Variants in MARCHF1 observed in about 807,000 individuals in gnomAD.
MARCHF1 encodes membrane associated ring-CH-type finger 1, also known as E3 ubiquitin-protein ligase MARCHF1.
MARCHF1 carries 40 observed loss-of-function variants against 54.2 expected under a neutral mutation model. That is an observed-to-expected ratio of 0.74 (90% CI 0.57 to 0.96). The LOEUF is 0.96. Among genes scored for constraint, MARCHF1 ranks in the 40% least tolerant of loss-of-function variants. The pLI, the probability that MARCHF1 is intolerant of heterozygous loss-of-function variation, is 0.00. For synonymous variants in MARCHF1, 236 were observed against 236.3 expected, an observed-to-expected ratio of 1.00 and a Z score of 0.01; for missense variants, 586 against 656.5, an observed-to-expected ratio of 0.89 and a Z score of 1.17.
chr4:164,236,664 G>A (rs1732572545), intron 1 of MARCHF1, among the ~76,000 whole-genome samples: 1 of 152,068 alleles, frequency 6.6e-6, no homozygotes. Flanking sequence ...GCACATGTCT[G>A]CAAATGACCA....
intron 3 of MARCHF1, among the ~76,000 whole-genome samples, chr4:163,978,068 C>T (rs946268736): frequency 5.9e-5 from 9 of 152,072 alleles, no homozygotes; most frequent in African/African-American, 2.2e-4. Context: ...TTCTTGATTC[C>T]AGAAAATTCG....
intron 4 of MARCHF1, among the ~76,000 whole-genome samples, chr4:163,818,468 T>C (rs1748602701): frequency 6.6e-6 from 1 of 152,130 alleles, no homozygotes. Context: ...TCCTGATAGA[T>C]ATAAGGCATG....
intron 4 of MARCHF1, among the ~76,000 whole-genome samples, chr4:163,801,286 T>C (rs78217105): frequency 0.065 from 9,943 of 151,932 alleles, 750 homozygotes; most frequent in East Asian, 0.29. Context: ...TTTTTAGTCA[T>C]AGAAAATCCA....
chr4:163,768,754 T>A (rs1747063741), intron 4 of MARCHF1, among the ~76,000 whole-genome samples: 2 of 152,214 alleles, frequency 1.3e-5, no homozygotes, highest in African/African-American at 4.8e-5. Context: ...AACTAATCTC[T>A]CTGGAAGACC....
chr4:163,933,288 GAA>G, intron 3 of MARCHF1: 1 of 629,340 alleles, frequency 1.6e-6, no homozygotes, highest in Non-Finnish European at 2.9e-6. Context: ...TTCCCTTCAA[GAA>G]ACCTTTTTAC....
intron 1 of MARCHF1, among the ~76,000 whole-genome samples, chr4:164,196,090 T>C (rs1013795321): frequency 1.3e-5 from 2 of 152,168 alleles, no homozygotes; most frequent in African/African-American, 4.8e-5. Flanking sequence ...TCTTCATTAG[T>C]TTTTAATTAT....
chr4:163,674,506 A>G (rs1470107637), intron 5 of MARCHF1, among the ~76,000 whole-genome samples: 2 of 152,170 alleles, frequency 1.3e-5, no homozygotes, highest in African/African-American at 4.8e-5. Flanking sequence ...TAAAAGTGGA[A>G]GTGAAAAGGA....
intron 4 of MARCHF1, among the ~76,000 whole-genome samples, chr4:163,771,617 C>T (rs573621630): frequency 1.3e-5 from 2 of 152,248 alleles, no homozygotes; most frequent in Non-Finnish European, 2.9e-5. Flanking sequence ...TAATAACTTC[C>T]CAAAAGGCCC....
At chr4:163,934,534 G>A (rs1048929279) in intron 3 of MARCHF1, among the ~76,000 whole-genome samples, 44 of 140,548 alleles carry the variant, frequency 3.1e-4, no homozygotes, top group Non-Finnish European at 5.7e-4. Flanking sequence ...ACTCCAGCCT[G>A]GGTGACAGAG....
chr4:163,918,849 A>G (rs1029733390), intron 3 of MARCHF1, among the ~76,000 whole-genome samples: 6 of 152,112 alleles, frequency 3.9e-5, no homozygotes, highest in Non-Finnish European at 8.8e-5. Context: ...ATGTTTCTGC[A>G]TCAATTTAAT....
chr4:163,972,991 C>T (rs1032954602), intron 3 of MARCHF1, among the ~76,000 whole-genome samples: 7 of 152,170 alleles, frequency 4.6e-5, no homozygotes, highest in African/African-American at 1.7e-4. Context: ...ATCAGTCTAG[C>T]AATGTCAAAG....
At chr4:164,056,469 G>A (rs950333694) in intron 2 of MARCHF1, among the ~76,000 whole-genome samples, 4 of 152,036 alleles carry the variant, frequency 2.6e-5, no homozygotes, top group East Asian at 1.9e-4. Context: ...TACTTCCTGC[G>A]CCAATCCTCC....
Position 164,190,724 on chromosome 4 carries a change from A to G in MARCHF1, c.-322-79062T>C, listed in dbSNP as rs978779410. Among the ~76,000 whole-genome samples, 5 of 152,312 alleles carry G rather than the reference A, an allele frequency of 3.3e-5. No individual in the cohort carries two copies. In the South Asian group the frequency reaches 8.3e-4, roughly 25 times the overall value. Reference sequence around the variant, plus strand: ...TTTCCCAAAGGAAAAATTTTTAGAGAGACTATCTGAGAATGTCCAACTTTT... The same window carrying G: ...TTTCCCAAAGGAAAAATTTTTAGAGGGACTATCTGAGAATGTCCAACTTTT... On this transcript the variant is annotated intron_variant, in intron 1 of 9. Coordinates refer to ENST00000514618, the MANE Select transcript of MARCHF1 (RefSeq NM_001394959.1).
intron 1 of MARCHF1, among the ~76,000 whole-genome samples, chr4:164,191,267 G>T (rs753464227): frequency 6.6e-6 from 1 of 152,252 alleles, no homozygotes; most frequent in Admixed American, 6.5e-5. Flanking sequence ...CCCTTATGCT[G>T]TGTTTGCACA....
At chr4:163,931,541 C>A (rs569229512) in intron 3 of MARCHF1, among the ~76,000 whole-genome samples, 1 of 152,238 alleles carries the variant, frequency 6.6e-6, no homozygotes, top group East Asian at 1.9e-4. Flanking sequence ...GAAAATGGGG[C>A]CTCATCAAAC....
intron 2 of MARCHF1, chr4:163,988,913 G>A (rs1752919720): frequency 6.6e-6 from 1 of 152,204 alleles, no homozygotes; most frequent in African/African-American, 2.4e-5. Flanking sequence ...TCTCCCCTAA[G>A]AGCATTGTGG....
chr4:164,188,457 TG>T (rs1731035124), intron 1 of MARCHF1: 1 of 642,790 alleles, frequency 1.6e-6, no homozygotes, highest in Admixed American at 2.2e-5. Context: ...GAGGAGGACG[TG>T]GGCACGGTGG....
intron 2 of MARCHF1, among the ~76,000 whole-genome samples, chr4:164,005,146 T>C (rs1753261441): frequency 6.6e-6 from 1 of 151,854 alleles, no homozygotes; most frequent in South Asian, 2.1e-4. Flanking sequence ...ATTTAACAAA[T>C]GCAAAAATAA....
At chr4:164,206,234 C>T (rs1057214894) in intron 1 of MARCHF1, among the ~76,000 whole-genome samples, 3 of 152,108 alleles carry the variant, frequency 2.0e-5, no homozygotes, top group Non-Finnish European at 2.9e-5. Flanking sequence ...GTCAGGAGTT[C>T]GAGACCAGCC....
Sources: gnomAD v4.1 joint callset for allele counts (sites outside exome capture counted in the v4.1 genomes callset) on GRCh38, gnomAD v4.1.1 for gene constraint, MANE v1.5 for transcripts, NCBI Gene and HGNC (gene_info 2026-07-23, HGNC 2026-07-21) for gene names.